ACTR3B: variants seen among roughly 807,000 people sequenced by gnomAD.
ACTR3B encodes the protein actin related protein 3B.
In ACTR3B, 8 loss-of-function variants were observed where a neutral mutation model predicts 59.0. The ratio of observed to expected loss-of-function variants is 0.14; its 90% CI spans 0.08 to 0.24. The LOEUF is 0.24. Ranked by LOEUF, ACTR3B falls within the 10% of genes least tolerant of loss-of-function variation. ACTR3B has a pLI of 1.00. For missense variants in ACTR3B, 245 were observed against 552.3 expected (o/e 0.44, Z 5.58); for synonymous variants, 148 against 197.9 (o/e 0.75, Z 2.12).
intron 9 of ACTR3B, among the ~76,000 whole-genome samples, chr7:152,832,912 G>A (rs549134018): frequency 6.6e-5 from 10 of 152,328 alleles, no homozygotes; most frequent in African/African-American, 2.2e-4. Flanking sequence ...CACCCTCACA[G>A]CAACACCTTG....
chr7:152,817,120 C>T (rs1795760181), intron 6 of ACTR3B, among the ~76,000 whole-genome samples: 1 of 151,860 alleles, frequency 6.6e-6, no homozygotes. Flanking sequence ...CGCGGTGGCT[C>T]ACGCCTGTAA....
At chr7:152,770,808 G>C (rs1222493572) in intron 1 of ACTR3B, among the ~76,000 whole-genome samples, 1 of 134,736 alleles carries the variant, frequency 7.4e-6, no homozygotes, top group Non-Finnish European at 1.6e-5. Flanking sequence ...GAGCAAGCAG[G>C]TCCAGGGAGA....
Position 152,854,679 on chromosome 7 carries a change from C to G in ACTR3B, c.*126C>G, listed in dbSNP as rs1050704249. 1.0e-6 allele frequency: 1 copy of G among 1,004,278 alleles called. No individual in the cohort carries two copies. Among genetic ancestry groups the G allele is most frequent in the Non-Finnish European group, 1.5e-6 (1 of 665,224 alleles). The allele number at this position is 1,004,278 out of a possible 1,614,324, so 62.2% of individuals were successfully genotyped here. On this transcript the variant is annotated 3_prime_UTR_variant, in exon 12 of 12. Coordinates refer to ENST00000256001, the MANE Select transcript of ACTR3B (RefSeq NM_020445.6). The surrounding 1 kb of genome is among the most constrained non-coding windows in gnomAD (Gnocchi z 4.9). The stretch of plus-strand genomic sequence containing the variant: ...GCTGCCCAGCAGCGTGCTTGCATTG[C>G]CGGTGCATGAGGCGCGGCGCGGGCC...
At chr7:152,774,654 C>T (rs1020553442) in intron 1 of ACTR3B, among the ~76,000 whole-genome samples, 15 of 151,146 alleles carry the variant, frequency 9.9e-5, no homozygotes, top group African/African-American at 2.7e-4. Context: ...CTTATATATA[C>T]GAAGTAACAT....
At chr7:152,773,362 TGG>T (rs1310556628) in intron 1 of ACTR3B, among the ~76,000 whole-genome samples, 1 of 151,886 alleles carries the variant, frequency 6.6e-6, no homozygotes, top group African/African-American at 2.4e-5. Context: ...CCGAGGTGGG[TGG>T]ATCACTTGAG....
At chr7:152,834,155 GT>G (rs779609053) in intron 9 of ACTR3B, among the ~76,000 whole-genome samples, 118 of 138,226 alleles carry the variant, frequency 8.5e-4, no homozygotes, top group Admixed American at 8.6e-4. Context: ...CGCTGTTTTT[GT>G]TTTTTTTTTT....
rs79769314 is a variant in ACTR3B at position 152,849,014 on chromosome 7, G to C, written c.952-3112G>C. ...GACTTAAAATGGGTCAAGAAGGCAG[G>C]TGCCCAGTGACCTCATGGTCTCCCT... On this transcript the variant is annotated intron_variant, in intron 9 of 11. Transcript: ENST00000256001. Among the ~76,000 whole-genome samples, 455 of 152,302 alleles carry C rather than the reference G, an allele frequency of 3.0e-3. 2 individuals carry two copies. Among genetic ancestry groups the C allele is most frequent in the African/African-American group, 0.01 (425 of 41,550 alleles).
intron 9 of ACTR3B, among the ~76,000 whole-genome samples, chr7:152,842,377 C>T (rs181482162): frequency 9.2e-5 from 14 of 152,284 alleles, no homozygotes; most frequent in Admixed American, 3.3e-4. Flanking sequence ...GTGCCCTAAG[C>T]GGGACAGAGT....
chr7:152,817,329 C>T (rs1055324403), intron 6 of ACTR3B, among the ~76,000 whole-genome samples: 8 of 151,630 alleles, frequency 5.3e-5, no homozygotes, highest in Admixed American at 2.6e-4. Flanking sequence ...TGCAGTGAGC[C>T]GAGATCGCAC....
rs562878069 is a variant in ACTR3B, at chr7:152,824,432, T to C, written c.859-598T>C. The stretch of plus-strand genomic sequence containing the variant: ...AGCTTACTTTGATTTTTTAAAATAT[T>C]TCAAATGAAATGTAATTGAGTTGAA... On this transcript the variant is annotated intron_variant, in intron 8 of 11. Transcript: ENST00000256001. The surrounding 1 kb of genome is among the most constrained non-coding windows in gnomAD (Gnocchi z 4.2). Among the ~76,000 whole-genome samples, 1 of 152,368 alleles carries C rather than the reference T, an allele frequency of 6.6e-6. No homozygotes were observed. Among genetic ancestry groups the C allele is most frequent in the South Asian group, 2.1e-4 (1 of 4,830 alleles).
chr7:152,775,868 G>A (rs1246086928), intron 1 of ACTR3B, among the ~76,000 whole-genome samples: 1 of 152,184 alleles, frequency 6.6e-6, no homozygotes, highest in Non-Finnish European at 1.5e-5. Flanking sequence ...ATGAGGTAGT[G>A]TAAGACTTCT....
At chr7:152,822,679 C>T (rs1220086673) in intron 7 of ACTR3B, among the ~76,000 whole-genome samples, 1 of 152,246 alleles carries the variant, frequency 6.6e-6, no homozygotes, top group Non-Finnish European at 1.5e-5. Flanking sequence ...GTGTGTTTCG[C>T]TACCTTGTGT....
chr7:152,789,668 T>A (rs918935637), intron 2 of ACTR3B, among the ~76,000 whole-genome samples: 1 of 151,872 alleles, frequency 6.6e-6, no homozygotes, highest in Non-Finnish European at 1.5e-5. Context: ...TTTTGTCTCT[T>A]CCAATTCTAA....
At chr7:152,840,506 G>A (rs1323412510) in intron 9 of ACTR3B, among the ~76,000 whole-genome samples, 3 of 152,018 alleles carry the variant, frequency 2.0e-5, no homozygotes, top group African/African-American at 7.2e-5. Flanking sequence ...CCAGACAGCG[G>A]GGGGAGTGTG....
At chr7:152,838,810 G>A (rs1797663990) in intron 9 of ACTR3B, among the ~76,000 whole-genome samples, 1 of 152,166 alleles carries the variant, frequency 6.6e-6, no homozygotes, top group Admixed American at 6.5e-5. Flanking sequence ...GGCCCTCAAG[G>A]CCAGGGTTCC....
rs1292026277 is a variant in ACTR3B at position 152,767,094 on chromosome 7, T to A, written c.44+7168T>A. 3.8e-3 allele frequency among the ~76,000 whole-genome samples: 15 copies of A among 3,980 alleles called. No homozygotes were observed. In the South Asian group the frequency reaches 0.11, roughly 30 times the overall value. The allele number at this position is 3,980 out of a possible 152,430, so 2.6% of individuals were successfully genotyped here. A position where few individuals can be genotyped will look rare whatever the true frequency, so the allele number is the denominator to read the frequency against. ...TGAGCCACTGTGCCCAGCTGGTAGG[T>A]TTTTTTTTTTTTTTTAATGGTTTCA... On this transcript the variant is annotated intron_variant, in intron 1 of 11. Transcript: ENST00000256001.
intron 4 of ACTR3B, among the ~76,000 whole-genome samples, chr7:152,807,748 T>G (rs2098256751): frequency 6.6e-6 from 1 of 152,242 alleles, no homozygotes; most frequent in African/African-American, 2.4e-5. Flanking sequence ...TTTTTCCACA[T>G]TAGTTAGTTG....
chr7:152,786,553 G>GAA (rs113248599), intron 2 of ACTR3B: 8 of 96,878 alleles, frequency 8.3e-5, no homozygotes, highest in Non-Finnish European at 1.5e-4. Flanking sequence ...GTTCCGTCTC[G>GAA]AAAAAAAAAA....
intron 1 of ACTR3B, among the ~76,000 whole-genome samples, chr7:152,764,898 T>C (rs1379301997): frequency 2.0e-5 from 3 of 152,022 alleles, no homozygotes; most frequent in Admixed American, 6.6e-5. Context: ...ATAAATGATA[T>C]CTTAATGTCT....
Sources: gnomAD v4.1 joint callset for allele counts (sites outside exome capture counted in the v4.1 genomes callset) on GRCh38, gnomAD v4.1.1 for gene constraint, Gnocchi (gnomAD v3.1) non-coding constraint, MANE v1.5 for transcripts, NCBI Gene and HGNC (gene_info 2026-07-23, HGNC 2026-07-21) for gene names.